The following TENM3 variants were observed in gnomAD, a reference collection of about 807,000 sequenced individuals.
TENM3 encodes the protein teneurin-3.
A neutral mutation model predicts 255.1 loss-of-function variants in TENM3; 63 were observed. The observed-to-expected ratio is 0.25, with a 90% CI of 0.20 to 0.30. TENM3 has a LOEUF of 0.30. Ranked by LOEUF, TENM3 falls within the 10% of genes least tolerant of loss-of-function variation. The pLI, the probability that TENM3 is intolerant of heterozygous loss-of-function variation, is 1.00. For synonymous variants in TENM3, 1,306 were observed against 1,322.3 expected (o/e 0.99, Z 0.27); for missense variants, 2,929 against 3,461.1 (o/e 0.85, Z 3.86).
chr4:181,998,594 G>A, the TENM3 span, among the ~76,000 whole-genome samples: 15 of 152,172 alleles, frequency 9.9e-5, no homozygotes, highest in African/African-American at 3.6e-4. Flanking sequence ...CAATTGCAGA[G>A]GTTCTAGGGG....
At chr4:181,574,485 CGT>C in the TENM3 span, among the ~76,000 whole-genome samples, 2 of 151,170 alleles carry the variant, frequency 1.3e-5, no homozygotes, top group Non-Finnish European at 2.9e-5. Flanking sequence ...GAGCCGAGAT[CGT>C]GCCACTGCAG....
chr4:182,346,541 AAAT>A, intron 2 of TENM3, 107 bp from the exon 3 acceptor site: 1 of 1,033,692 alleles, frequency 9.7e-7, no homozygotes, highest in South Asian at 1.7e-5. Context: ...TGAAAAGCCT[AAAT>A]GTTTGAGTGT....
chr4:181,997,234 C>G, the TENM3 span, among the ~76,000 whole-genome samples: 1 of 152,102 alleles, frequency 6.6e-6, no homozygotes, highest in Admixed American at 6.6e-5. Flanking sequence ...GGTGTCAAGC[C>G]CAGCAAAGAT....
At chr4:181,680,086 T>C in the TENM3 span, among the ~76,000 whole-genome samples, 1 of 152,110 alleles carries the variant, frequency 6.6e-6, no homozygotes. Flanking sequence ...CACTGTGTCA[T>C]AGGTGTAAAC....
chr4:182,032,098 A>T, the TENM3 span, among the ~76,000 whole-genome samples: 1 of 152,132 alleles, frequency 6.6e-6, no homozygotes, highest in Admixed American at 6.5e-5. Flanking sequence ...GTTGAATAGG[A>T]GTGGTGAGAG....
the TENM3 span, among the ~76,000 whole-genome samples, chr4:181,684,897 G>T: frequency 1.3e-5 from 2 of 148,162 alleles, no homozygotes; most frequent in African/African-American, 2.5e-5. Context: ...TGGGACTACA[G>T]GTGTGCACCA....
the TENM3 span, among the ~76,000 whole-genome samples, chr4:181,467,278 C>T: frequency 5.3e-5 from 8 of 150,082 alleles, no homozygotes; most frequent in South Asian, 2.1e-4. Context: ...GGATTACAAG[C>T]GCCCGCCACT....
intron 3 of TENM3, among the ~76,000 whole-genome samples, chr4:182,434,293 G>A (rs1186058542): frequency 6.6e-6 from 1 of 152,074 alleles, no homozygotes; most frequent in African/African-American, 2.4e-5. Context: ...TCAGAAGCAG[G>A]ACCTGTTTTT....
chr4:182,715,372 T>G lies in TENM3; in HGVS notation c.2368+1139T>G, dbSNP rs543021242. ...ATAAAGCACTGGCTAGAGTGTAGGT[T>G]TTGGAGCAGACACATCTTCACTGAA... On this transcript the variant is annotated intron_variant, in intron 13 of 27. Transcript: ENST00000511685. Among the ~76,000 whole-genome samples the G allele has an allele frequency of 5.8e-4, 89 of 152,256 alleles. 1 individual carries two copies. The South Asian group carries it at 6.2e-3, about 11-fold the overall frequency.
the TENM3 span, among the ~76,000 whole-genome samples, chr4:181,803,922 G>A: frequency 8.5e-6 from 1 of 117,748 alleles, no homozygotes; most frequent in Admixed American, 1.1e-4. Flanking sequence ...ACAACTGACT[G>A]AGACTTATTA....
intron 3 of TENM3, among the ~76,000 whole-genome samples, chr4:182,457,981 T>C (rs796134814): frequency 3.0e-4 from 45 of 152,362 alleles, no homozygotes; most frequent in African/African-American, 1.0e-3. Flanking sequence ...AATAGAAATA[T>C]GATACCAGTC....
the TENM3 span, among the ~76,000 whole-genome samples, chr4:181,516,368 T>TAA: frequency 0.23 from 31,842 of 141,042 alleles, 3,836 homozygotes; most frequent in South Asian, 0.38. Context: ...AAAAAATATT[T>TAA]AAAAAAAAAA....
the TENM3 span, among the ~76,000 whole-genome samples, chr4:181,845,999 T>C: frequency 6.6e-6 from 1 of 152,224 alleles, no homozygotes; most frequent in Non-Finnish European, 1.5e-5. Context: ...TAAGGTTCTT[T>C]GTAATATTTG....
At chr4:182,016,078 T>A in the TENM3 span, among the ~76,000 whole-genome samples, 6 of 152,192 alleles carry the variant, frequency 3.9e-5, no homozygotes, top group Admixed American at 3.9e-4. Context: ...TAAAGATTTG[T>A]CTCTGATGAC....
chr4:181,510,278 C>A, the TENM3 span, among the ~76,000 whole-genome samples: 4 of 151,996 alleles, frequency 2.6e-5, no homozygotes, highest in South Asian at 2.1e-4. Context: ...GCCATTTAAA[C>A]CCAAAGTCAG....
the TENM3 span, among the ~76,000 whole-genome samples, chr4:182,116,468 G>A: frequency 7.2e-5 from 11 of 152,264 alleles, no homozygotes; most frequent in East Asian, 1.4e-3. Context: ...CCCCCATGCT[G>A]TTCTCATGAT....
At chr4:182,203,217 CAA>C (rs1165540899) in intron 1 of TENM3, among the ~76,000 whole-genome samples, 3 of 130,758 alleles carry the variant, frequency 2.3e-5, no homozygotes, top group Non-Finnish European at 3.3e-5. Context: ...AACTCCATCT[CAA>C]AAAAAAAAAA....
the TENM3 span, among the ~76,000 whole-genome samples, chr4:181,988,381 T>C: frequency 5.3e-5 from 8 of 152,082 alleles, no homozygotes; most frequent in Non-Finnish European, 1.0e-4. Flanking sequence ...CACTGACTTG[T>C]GGTTATTCGC....
intron 3 of TENM3, among the ~76,000 whole-genome samples, chr4:182,491,530 G>T (rs1161181263): frequency 6.6e-6 from 1 of 152,038 alleles, no homozygotes; most frequent in Non-Finnish European, 1.5e-5. Flanking sequence ...TTATATTTTT[G>T]TCAGTATATT....
Sources: allele counts gnomAD v4.1 joint callset (sites outside exome capture counted in the v4.1 genomes callset), GRCh38; gene constraint gnomAD v4.1.1; transcripts MANE v1.5; gene names NCBI Gene and HGNC (gene_info 2026-07-23, HGNC 2026-07-21).